NEGR1: variants seen among roughly 807,000 people sequenced by gnomAD.
NEGR1 encodes neuronal growth regulator 1.
Under a neutral mutation model 40.9 loss-of-function variants are expected in NEGR1, and 10 were observed. The observed-to-expected ratio is 0.24, with a 90% CI of 0.15 to 0.42. The LOEUF is 0.42. NEGR1 is among the 10% of genes least tolerant of loss of function. The probability of loss-of-function intolerance (pLI) is 1.00; values close to 1 mark genes in which losing one functional copy is unlikely to be tolerated. For missense variants in NEGR1, 352 were observed against 438.9 expected, an observed-to-expected ratio of 0.80 and a Z score of 1.77; for synonymous variants, 185 against 166.8, an observed-to-expected ratio of 1.11 and a Z score of -0.84.
At chr1:71,643,115 C>A (rs12030511) in intron 4 of NEGR1, among the ~76,000 whole-genome samples, 11,272 of 151,992 alleles carry the variant, frequency 0.074, 525 homozygotes, top group African/African-American at 0.12. Context: ...ATGAAGTAGG[C>A]AGCCTTGTCC....
chr1:71,565,536 A>G (rs1457011346), intron 6 of NEGR1, among the ~76,000 whole-genome samples: 1 of 152,070 alleles, frequency 6.6e-6, no homozygotes, highest in African/African-American at 2.4e-5. Context: ...CTCATCAAGA[A>G]CTCAGGCCCT....
chr1:71,492,052 A>G (rs1253825275), intron 6 of NEGR1, among the ~76,000 whole-genome samples: 1 of 152,126 alleles, frequency 6.6e-6, no homozygotes, highest in Non-Finnish European at 1.5e-5. Flanking sequence ...ACACAGTGCC[A>G]TCTTGGAAGC....
intron 1 of NEGR1, among the ~76,000 whole-genome samples, chr1:72,251,235 G>C (rs1353964963): frequency 6.6e-6 from 1 of 152,110 alleles, no homozygotes; most frequent in Non-Finnish European, 1.5e-5. Flanking sequence ...ATATAATATA[G>C]TTAATCCACC....
intron 6 of NEGR1, among the ~76,000 whole-genome samples, chr1:71,574,233 T>G (rs560731395): frequency 2.2e-4 from 34 of 152,314 alleles, no homozygotes; most frequent in African/African-American, 7.7e-4. Context: ...CTATGGGAAC[T>G]GGGGCTTAGG....
At chr1:71,612,604 CA>C (rs1365416412) in intron 4 of NEGR1, among the ~76,000 whole-genome samples, 2 of 152,052 alleles carry the variant, frequency 1.3e-5, no homozygotes, top group African/African-American at 4.8e-5. Flanking sequence ...ATAAACAATA[CA>C]GTAAAACAAA....
intron 5 of NEGR1, among the ~76,000 whole-genome samples, chr1:71,609,937 T>C (rs1650200734): frequency 6.6e-6 from 1 of 152,144 alleles, no homozygotes; most frequent in Non-Finnish European, 1.5e-5. Context: ...TCTCACAAGA[T>C]CTGATGGTTT....
At chr1:72,051,652 T>A (rs1281252215) in intron 1 of NEGR1, among the ~76,000 whole-genome samples, 1 of 151,396 alleles carries the variant, frequency 6.6e-6, no homozygotes, top group Non-Finnish European at 1.5e-5. Context: ...GTTGGTAAAT[T>A]TGTCCACAGA....
intron 1 of NEGR1, among the ~76,000 whole-genome samples, chr1:72,241,334 A>T (rs1654736523): frequency 6.7e-6 from 1 of 149,532 alleles, no homozygotes; most frequent in Non-Finnish European, 1.5e-5. Flanking sequence ...AAGGGTCCAG[A>T]TTTGTGGATA....
At chr1:71,857,583 C>T (rs747868137) in intron 2 of NEGR1, among the ~76,000 whole-genome samples, 1 of 133,956 alleles carries the variant, frequency 7.5e-6, no homozygotes, top group Non-Finnish European at 1.5e-5. Flanking sequence ...GCCAAGATCA[C>T]GCCACTGCAC....
intron 1 of NEGR1, among the ~76,000 whole-genome samples, chr1:72,277,124 C>T (rs1256158743): frequency 6.6e-6 from 1 of 152,158 alleles, no homozygotes; most frequent in Admixed American, 6.5e-5. Context: ...GATGTTGTCC[C>T]TTCACCAAAG....
intron 2 of NEGR1, among the ~76,000 whole-genome samples, chr1:71,914,388 A>G (rs1165379341): frequency 2.6e-5 from 4 of 152,254 alleles, no homozygotes; most frequent in African/African-American, 9.6e-5. Context: ...ATTTCACAGA[A>G]GAGCTAAATG....
intron 2 of NEGR1, among the ~76,000 whole-genome samples, chr1:71,925,069 T>C (rs750608497): frequency 2.6e-5 from 4 of 152,072 alleles, no homozygotes; most frequent in Non-Finnish European, 5.9e-5. Flanking sequence ...ACCATCCTGG[T>C]TGAGAGTCAA....
chr1:71,959,250 C>G (rs549938142), intron 1 of NEGR1, among the ~76,000 whole-genome samples: 1 of 152,082 alleles, frequency 6.6e-6, no homozygotes, highest in Non-Finnish European at 1.5e-5. Context: ...AATTCCAGAT[C>G]CTTGGAGACA....
chr1:71,540,399 G>A (rs999630034), intron 6 of NEGR1, among the ~76,000 whole-genome samples: 1 of 151,770 alleles, frequency 6.6e-6, no homozygotes, highest in Non-Finnish European at 1.5e-5. Context: ...GAGTCGGACT[G>A]TTTATTTCCT....
intron 2 of NEGR1, among the ~76,000 whole-genome samples, chr1:71,873,692 C>T (rs1035164565): frequency 1.2e-4 from 19 of 152,076 alleles, no homozygotes; most frequent in African/African-American, 4.6e-4. Context: ...TCCTTCTTTC[C>T]AAATAAATGG....
chr1:71,688,756 A>T (rs944028531), intron 4 of NEGR1, among the ~76,000 whole-genome samples: 2 of 152,124 alleles, frequency 1.3e-5, no homozygotes, highest in African/African-American at 4.8e-5. Context: ...GCTACAGAGG[A>T]AGGTTGACAT....
At chr1:71,417,602 T>C (rs1646364884) in intron 6 of NEGR1, among the ~76,000 whole-genome samples, 1 of 152,154 alleles carries the variant, frequency 6.6e-6, no homozygotes, top group African/African-American at 2.4e-5. Context: ...TCTATTTGAA[T>C]GTGTTTGTTA....
chr1:71,728,265 G>A (rs1160244866), intron 3 of NEGR1, among the ~76,000 whole-genome samples: 1 of 152,128 alleles, frequency 6.6e-6, no homozygotes, highest in Non-Finnish European at 1.5e-5. Context: ...CCAACATCCA[G>A]AAGTAAGAGA....
Position 71,901,666 on chromosome 1 carries a change from A to AT in NEGR1, c.409+33412dup, listed in dbSNP as rs33958971. Among the ~76,000 whole-genome samples the AT allele has an allele frequency of 7.6e-3, 876 of 115,822 alleles. 4 individuals carry two copies. Among genetic ancestry groups the AT allele is most frequent in the Middle Eastern group, 0.02 (4 of 196 alleles). The allele number at this position is 115,822 out of a possible 152,430, so 76.0% of individuals were successfully genotyped here. A position where few individuals can be genotyped will look rare whatever the true frequency, so the allele number is the denominator to read the frequency against. The stretch of plus-strand genomic sequence containing the variant: ...CCATTTTTCTAAAAATGAGATATAA[A>AT]TTTTTTTTTTTTTTTTTTTTTTGAG... On this transcript the variant is annotated intron_variant, in intron 2 of 6. Transcript: ENST00000357731.
Sources: allele counts gnomAD v4.1 joint callset (sites outside exome capture counted in the v4.1 genomes callset), GRCh38; gene constraint gnomAD v4.1.1; transcripts MANE v1.5; gene names NCBI Gene and HGNC (gene_info 2026-07-23, HGNC 2026-07-21).